Variants in GOLGA1 observed in about 807,000 individuals in gnomAD.
The protein encoded by GOLGA1 is golgin subfamily A member 1.
Under a neutral mutation model 119.7 loss-of-function variants are expected in GOLGA1, and 63 were observed. That is an observed-to-expected ratio of 0.53 (90% CI 0.43 to 0.65). GOLGA1 has a LOEUF of 0.65. GOLGA1 is among the 30% of genes least tolerant of loss of function. The probability of loss-of-function intolerance (pLI) is 0.00; values close to 1 mark genes in which losing one functional copy is unlikely to be tolerated. For missense variants in GOLGA1, 798 were observed against 912.8 expected, an observed-to-expected ratio of 0.87 and a Z score of 1.62; for synonymous variants, 318 against 333.4, an observed-to-expected ratio of 0.95 and a Z score of 0.50.
In GOLGA1 at chr9:124,889,319, G is replaced by A. The variant is rs773074070; in HGVS notation, c.1601-16C>T. On this transcript the variant is annotated splice_polypyrimidine_tract_variant and intron_variant, in intron 17 of 22. Coordinates refer to ENST00000373555, the MANE Select transcript of GOLGA1 (RefSeq NM_002077.4). ...GAGTTGTGACCTAGGTCGGGGAGGA[G>A]GGGAGGGGGCACTGTGAGCCCAGTG... The A allele has an allele frequency of 6.2e-7, 1 of 1,612,130 alleles. No individual in the cohort carries two copies. Among genetic ancestry groups the A allele is most frequent in the Admixed American group, 1.7e-5 (1 of 59,972 alleles).
At chr9:124,935,124 G>A (rs1319406911) in intron 3 of GOLGA1, among the ~76,000 whole-genome samples, 1 of 152,176 alleles carries the variant, frequency 6.6e-6, no homozygotes, top group Non-Finnish European at 1.5e-5. Flanking sequence ...AAGGCAGCTT[G>A]AAATCAAATG....
intron 10 of GOLGA1, among the ~76,000 whole-genome samples, chr9:124,920,333 ATG>A (rs1223337014): frequency 5.8e-5 from 2 of 34,266 alleles, no homozygotes; most frequent in South Asian, 1.1e-3. Context: ...GGAGGACCTC[ATG>A]TGATCCTCCT....
intron 10 of GOLGA1, among the ~76,000 whole-genome samples, chr9:124,916,228 G>C (rs142741320): frequency 9.9e-5 from 15 of 151,704 alleles, no homozygotes; most frequent in African/African-American, 3.6e-4. Context: ...ACATAAATTG[G>C]GAAGTTGAAA....
At position 124,880,445 on chromosome 9, in the gene GOLGA1, TA is replaced by T; in HGVS notation, c.*84del. 1 of 797,332 alleles carries T rather than the reference TA, an allele frequency of 1.3e-6. No homozygotes were observed. Among genetic ancestry groups the T allele is most frequent in the Non-Finnish European group, 2.3e-6 (1 of 442,900 alleles). The allele number at this position is 797,332 out of a possible 1,614,324, so 49.4% of individuals were successfully genotyped here. Reference sequence around the variant, plus strand: ...TACAAAATACTGCAGTTACAGTGATTAAAAACCCACCCAGACTGGTGTGTCA... The same window carrying T: ...TACAAAATACTGCAGTTACAGTGATTAAAACCCACCCAGACTGGTGTGTCA... On this transcript the variant is annotated 3_prime_UTR_variant, in exon 23 of 23. Coordinates refer to ENST00000373555, the MANE Select transcript of GOLGA1 (RefSeq NM_002077.4).
At chr9:124,931,819 A>C (rs1429236839) in intron 3 of GOLGA1, among the ~76,000 whole-genome samples, 1 of 152,224 alleles carries the variant, frequency 6.6e-6, no homozygotes, top group African/African-American at 2.4e-5. Context: ...CGATATTGAT[A>C]AAGTTTCAGT....
intron 11 of GOLGA1, among the ~76,000 whole-genome samples, chr9:124,910,417 CATT>C (rs987162632): frequency 2.6e-5 from 4 of 152,184 alleles, no homozygotes; most frequent in African/African-American, 9.7e-5. Flanking sequence ...GCACATTAAA[CATT>C]ATAATAATGA....
At chr9:124,938,453 T>A in intron 3 of GOLGA1, 124 bp downstream of exon 3, 1 of 773,268 alleles carries the variant, frequency 1.3e-6, no homozygotes, top group Non-Finnish European at 2.1e-6. Flanking sequence ...GTAAGAAGAA[T>A]CAGATGTACA....
At chr9:124,898,895 A>G (rs1830037080) in intron 14 of GOLGA1, among the ~76,000 whole-genome samples, 1 of 152,154 alleles carries the variant, frequency 6.6e-6, no homozygotes. Context: ...GTGTCTCTGG[A>G]AAGATAAGAA....
chr9:124,903,160 G>A (rs1250568475), intron 12 of GOLGA1, among the ~76,000 whole-genome samples: 1 of 152,124 alleles, frequency 6.6e-6, no homozygotes, highest in African/African-American at 2.4e-5. Flanking sequence ...ATTCACAACA[G>A]CCAAAAGATA....
chr9:124,933,703 C>T (rs945074881), intron 3 of GOLGA1, among the ~76,000 whole-genome samples: 5 of 152,180 alleles, frequency 3.3e-5, no homozygotes, highest in African/African-American at 1.2e-4. Context: ...GTGTGAGCCA[C>T]CCTGCCTGGC....
intron 19 of GOLGA1, among the ~76,000 whole-genome samples, chr9:124,885,023 C>T (rs1033617388): frequency 4.6e-5 from 7 of 152,026 alleles, no homozygotes; most frequent in African/African-American, 1.2e-4. Flanking sequence ...GGCAAAACCC[C>T]GTCTCTACTA....
At chr9:124,896,931 C>CAA (rs796240730) in intron 15 of GOLGA1, among the ~76,000 whole-genome samples, 6 of 143,544 alleles carry the variant, frequency 4.2e-5, no homozygotes, top group African/African-American at 1.3e-4. Context: ...GACCCTGTCT[C>CAA]AAAAAAAAAA....
chr9:124,944,968 GA>G (rs1831122513), upstream of GOLGA1: 1 of 152,122 alleles, frequency 6.6e-6, no homozygotes, highest in South Asian at 2.1e-4. Context: ...TTCTGAAAGT[GA>G]TATCCTATTA....
In GOLGA1 at chr9:124,880,481, T is replaced by C; in HGVS notation, c.*49A>G. 9.8e-7 allele frequency: 1 copy of C among 1,021,542 alleles called. No homozygotes were observed. The highest frequency in any genetic ancestry group is 1.6e-6 in the Non-Finnish European group (1 of 639,862). 63.3% of individuals were successfully genotyped at this position (1,021,542 alleles called of 1,614,324 possible). On this transcript the variant is annotated 3_prime_UTR_variant, in exon 23 of 23. Coordinates refer to ENST00000373555, the MANE Select transcript of GOLGA1 (RefSeq NM_002077.4). ...CCAGACTGGTGTGTCAGTGTTCTTTTCACAGAAAAAGTGTCAACCCACGGA... is the reference window on the plus strand; with the variant it reads ...CCAGACTGGTGTGTCAGTGTTCTTTCCACAGAAAAAGTGTCAACCCACGGA...
At chr9:124,911,812 C>T in intron 11 of GOLGA1, 89 bp downstream of exon 11, 1 of 1,178,334 alleles carries the variant, frequency 8.5e-7, no homozygotes, top group South Asian at 1.4e-5. Context: ...TTTGCTGGCC[C>T]TACAGCTCTG....
intron 11 of GOLGA1, among the ~76,000 whole-genome samples, chr9:124,909,985 G>T (rs1830310410): frequency 6.6e-6 from 1 of 152,180 alleles, no homozygotes; most frequent in African/African-American, 2.4e-5. Flanking sequence ...CACCAGGCAG[G>T]AGTGCAGTGG....
At chr9:124,923,316 T>C in intron 7 of GOLGA1, 93 bp from the exon 8 acceptor site, 1 of 1,098,438 alleles carries the variant, frequency 9.1e-7, no homozygotes, top group East Asian at 2.5e-5. Flanking sequence ...AAAATTTTTG[T>C]CTTTAGAGAC....
At chr9:124,884,938 C>T (rs899292791) in intron 19 of GOLGA1, among the ~76,000 whole-genome samples, 16 of 152,190 alleles carry the variant, frequency 1.1e-4, no homozygotes, top group South Asian at 2.1e-4. Flanking sequence ...TGGCTCACAC[C>T]TGTAATCCCA....
chr9:124,924,923 T>C (rs1588091082), intron 7 of GOLGA1, among the ~76,000 whole-genome samples: 2 of 150,612 alleles, frequency 1.3e-5, no homozygotes, highest in South Asian at 2.1e-4. Context: ...ACTAAAAATA[T>C]AAAAAAATTA....
Sources: allele counts gnomAD v4.1 joint callset (sites outside exome capture counted in the v4.1 genomes callset), GRCh38; gene constraint gnomAD v4.1.1; transcripts MANE v1.5; gene names NCBI Gene and HGNC (gene_info 2026-07-23, HGNC 2026-07-21).